Variants in RASEF observed in about 807,000 individuals in gnomAD.
RASEF encodes the protein RAS and EF-hand domain containing, also known as ras and EF-hand domain-containing protein.
Under a neutral mutation model 90.1 loss-of-function variants are expected in RASEF, and 68 were observed. That is an observed-to-expected ratio of 0.75 (90% CI 0.62 to 0.92). The LOEUF (loss-of-function observed/expected upper bound fraction) is 0.92, where lower values mean the gene tolerates loss of function less well. Ranked by LOEUF, RASEF falls within the 40% of genes least tolerant of loss-of-function variation. The probability of loss-of-function intolerance (pLI) is 0.00; values close to 1 mark genes in which losing one functional copy is unlikely to be tolerated. For synonymous variants in RASEF, 331 were observed against 345.2 expected (o/e 0.96, Z 0.46); for missense variants, 949 against 937.2 (o/e 1.01, Z -0.16).
intron 1 of RASEF, chr9:83,048,681 T>G (rs992312435): frequency 3.3e-5 from 33 of 985,344 alleles, no homozygotes; most frequent in Middle Eastern, 5.2e-4. Flanking sequence ...ACATTTACTT[T>G]TTCCATAGTG....
At chr9:83,182,932 A>G in the RASEF span, among the ~76,000 whole-genome samples, 1 of 152,170 alleles carries the variant, frequency 6.6e-6, no homozygotes, top group African/African-American at 2.4e-5. Flanking sequence ...GAATGTCAAA[A>G]TCATCACGCC....
At chr9:83,100,092 C>T in the RASEF span, among the ~76,000 whole-genome samples, 2 of 152,262 alleles carry the variant, frequency 1.3e-5, no homozygotes, top group South Asian at 4.1e-4. Flanking sequence ...TGTGTGTTTG[C>T]AGTTTTGAGT....
At chr9:83,063,770 T>C (rs117699080), upstream of RASEF, among the ~76,000 whole-genome samples, 860 of 152,302 alleles carry the variant, frequency 5.6e-3, 35 homozygotes, top group East Asian at 0.11. Flanking sequence ...TTTATGGAAA[T>C]TACATATCCA....
chr9:83,070,000 CATTTT>C, the RASEF span, among the ~76,000 whole-genome samples: 1 of 152,046 alleles, frequency 6.6e-6, no homozygotes, highest in African/African-American at 2.4e-5. Context: ...TTTATTGTGT[CATTTT>C]ATTCAGTTGT....
At chr9:83,055,125 C>T (rs1316769203) in intron 1 of RASEF, 15 of 168,294 alleles carry the variant, frequency 8.9e-5, no homozygotes, top group Non-Finnish European at 1.7e-4. Flanking sequence ...TGGGCAATGG[C>T]GGGCGCCCCT....
intron 3 of RASEF, among the ~76,000 whole-genome samples, chr9:83,019,979 T>C (rs941750694): frequency 6.6e-6 from 1 of 152,146 alleles, no homozygotes; most frequent in African/African-American, 2.4e-5. Context: ...ACTTCGAGGG[T>C]GGATAGTTAT....
rs764578412 is a variant in RASEF at position 83,025,899 on chromosome 9, A to G, written c.454T>C (p.Tyr152His). ...GGCTCCACAAGGTTGATGTTTTGGT[A>G]CAAGGTACTAACTTGCTCTTCTCTG... ...IPREEQVSTLYQNINLVEPRL... is the reference protein window; with the variant it reads ...IPREEQVSTLHQNINLVEPRL... The change falls in exon 2 of 17, where the codon TAC (tyrosine) becomes CAC (histidine). Residue 152 changes from tyrosine (Y) to histidine (H), a missense_variant. Tyr to His is a moderately conservative substitution (Grantham distance 83). Coordinates refer to ENST00000376447, the MANE Select transcript of RASEF (RefSeq NM_152573.4). The G allele has an allele frequency of 1.2e-5, 19 of 1,613,032 alleles. 1 individual carries two copies. The Admixed American group carries it at 3.2e-4, about 27-fold the overall frequency.
At chr9:83,055,600 T>G (rs1830088723) in intron 1 of RASEF, 1 of 717,890 alleles carries the variant, frequency 1.4e-6, no homozygotes, top group African/African-American at 1.7e-5. Context: ...TTCTCTGCCT[T>G]CCTTTTTAGC....
chr9:83,007,813 C>G (rs1212163964), intron 6 of RASEF, among the ~76,000 whole-genome samples: 2 of 152,200 alleles, frequency 1.3e-5, no homozygotes, highest in African/African-American at 4.8e-5. Context: ...CATCCCCATG[C>G]TCGCTGACCC....
the RASEF span, among the ~76,000 whole-genome samples, chr9:83,190,882 A>C: frequency 6.6e-6 from 1 of 152,218 alleles, no homozygotes; most frequent in African/African-American, 2.4e-5. Context: ...TCCCATGCCC[A>C]GGAAATTACC....
the RASEF span, among the ~76,000 whole-genome samples, chr9:83,154,176 GGTTCAGATTCCTTA>G: frequency 6.6e-6 from 1 of 152,100 alleles, no homozygotes; most frequent in South Asian, 2.1e-4. Flanking sequence ...GCATCAATGG[GGTTCAGATTCCTTA>G]GTTTAAAAAT....
At chr9:82,983,923 T>C (rs1828665214) in intron 16 of RASEF, among the ~76,000 whole-genome samples, 1 of 151,998 alleles carries the variant, frequency 6.6e-6, no homozygotes, top group South Asian at 2.1e-4. Context: ...ACTGCAAACA[T>C]AGGAGATACT....
At chr9:83,086,492 A>T in the RASEF span, among the ~76,000 whole-genome samples, 1 of 152,218 alleles carries the variant, frequency 6.6e-6, no homozygotes, top group Non-Finnish European at 1.5e-5. Flanking sequence ...CTTACAGCTT[A>T]AAACCATAAC....
At position 83,025,237 on chromosome 9, in the gene RASEF, G is replaced by A. The variant is rs191799016; in HGVS notation, c.578+538C>T. On this transcript the variant is annotated intron_variant, in intron 2 of 16. Coordinates refer to ENST00000376447, the MANE Select transcript of RASEF (RefSeq NM_152573.4). ...AAAGGGGGAGGGCCAAGTGAGGAGGGCTAGAGAGTAGAGAGAGTCAAAGCA... is the reference window on the plus strand; with the variant it reads ...AAAGGGGGAGGGCCAAGTGAGGAGGACTAGAGAGTAGAGAGAGTCAAAGCA... 3.4e-3 allele frequency among the ~76,000 whole-genome samples: 518 copies of A among 152,248 alleles called. 8 individuals are homozygous for A. Among genetic ancestry groups the A allele is most frequent in the South Asian group, 8.5e-3 (41 of 4,828 alleles).
chr9:83,135,000 A>G, the RASEF span, among the ~76,000 whole-genome samples: 1 of 152,176 alleles, frequency 6.6e-6, no homozygotes, highest in Non-Finnish European at 1.5e-5. Flanking sequence ...AAGGCCACAT[A>G]CTGTATGATT....
At chr9:83,198,320 A>G in the RASEF span, among the ~76,000 whole-genome samples, 2 of 152,210 alleles carry the variant, frequency 1.3e-5, no homozygotes, top group African/African-American at 2.4e-5. Context: ...TACTCAATAG[A>G]ATTTACCCCT....
At chr9:83,167,240 A>G in the RASEF span, among the ~76,000 whole-genome samples, 2 of 144,144 alleles carry the variant, frequency 1.4e-5, no homozygotes, top group Non-Finnish European at 3.0e-5. Context: ...ATAACCTCAG[A>G]AAAAAAAAAA....
chr9:83,006,416 T>C (rs1210857844), intron 7 of RASEF, among the ~76,000 whole-genome samples: 1 of 151,998 alleles, frequency 6.6e-6, no homozygotes, highest in Non-Finnish European at 1.5e-5. Flanking sequence ...ATCTGTTGAA[T>C]GAATGAATAA....
the RASEF span, among the ~76,000 whole-genome samples, chr9:83,085,430 T>C: frequency 6.7e-6 from 1 of 148,848 alleles, no homozygotes; most frequent in Admixed American, 6.7e-5. Flanking sequence ...GCTCAGGAGT[T>C]CAAGACCAGC....
Sources: gnomAD v4.1 joint callset for allele counts (sites outside exome capture counted in the v4.1 genomes callset) on GRCh38, gnomAD v4.1.1 for gene constraint, MANE v1.5 for transcripts, NCBI Gene and HGNC (gene_info 2026-07-23, HGNC 2026-07-21) for gene names.